The following UGT1A7 variants were observed in gnomAD, a reference collection of about 807,000 sequenced individuals.
UGT1A7 encodes UDP glucuronosyltransferase family 1 member A7, also known as UDP-glucuronosyltransferase 1A7.
In UGT1A7, 33 loss-of-function variants were observed where a neutral mutation model predicts 45.6. The observed-to-expected ratio is 0.72, with a 90% CI of 0.55 to 0.97. The LOEUF is 0.97. UGT1A7 is among the 50% of genes least tolerant of loss of function. The probability of loss-of-function intolerance (pLI) is 0.00; values close to 1 mark genes in which losing one functional copy is unlikely to be tolerated. For missense variants in UGT1A7, 684 were observed against 666.2 expected (o/e 1.03, Z -0.29); for synonymous variants, 274 against 250.6 (o/e 1.09, Z -0.88).
intron 1 of UGT1A7, among the ~76,000 whole-genome samples, chr2:233,699,342 G>A (rs1260601774): frequency 6.6e-6 from 1 of 152,020 alleles, no homozygotes; most frequent in Non-Finnish European, 1.5e-5. Context: ...TCCACCCTAG[G>A]GCTAACCTCT....
chr2:233,713,467 C>G, intron 1 of UGT1A7: 1 of 1,614,058 alleles, frequency 6.2e-7, no homozygotes, highest in Non-Finnish European at 8.5e-7. Flanking sequence ...CTCTGCGCGG[C>G]GGTGCTGGCT....
At chr2:233,701,977 C>T (rs2125588404) in intron 1 of UGT1A7, among the ~76,000 whole-genome samples, 1 of 151,846 alleles carries the variant, frequency 6.6e-6, no homozygotes, top group East Asian at 1.9e-4. Context: ...TAGTAAAAGG[C>T]AAGAAATAAC....
At chr2:233,738,602 T>A (rs1388412839) in intron 1 of UGT1A7, among the ~76,000 whole-genome samples, 2 of 152,210 alleles carry the variant, frequency 1.3e-5, no homozygotes, top group East Asian at 3.8e-4. Context: ...TGCTAAGCTT[T>A]AGCAAAGAAA....
Position 233,736,712 on chromosome 2 carries a change from C to T in UGT1A7, c.856-30322C>T, listed in dbSNP as rs373789864. On this transcript the variant is annotated intron_variant, in intron 1 of 4. Coordinates refer to ENST00000373426, the MANE Select transcript of UGT1A7 (RefSeq NM_019077.3). ...ACAGATGGGGTTTTGGTGTAGATGT[C>T]CTTTTTGTTGATGTTTATGCTGTTC... Among the ~76,000 whole-genome samples, 3 of 152,156 alleles carry T rather than the reference C, an allele frequency of 2.0e-5. No individual in the cohort carries two copies. In the East Asian group the frequency reaches 5.8e-4, roughly 29 times the overall value.
intron 1 of UGT1A7, among the ~76,000 whole-genome samples, chr2:233,731,894 C>G (rs1470586397): frequency 6.6e-6 from 1 of 152,238 alleles, no homozygotes; most frequent in Non-Finnish European, 1.5e-5. Context: ...AATTTACACT[C>G]CCACCAATGG....
chr2:233,749,920 A>G (rs1428594546), intron 1 of UGT1A7, among the ~76,000 whole-genome samples: 1 of 151,914 alleles, frequency 6.6e-6, no homozygotes, highest in Non-Finnish European at 1.5e-5. Flanking sequence ...CTGTGAGTCA[A>G]TTAAAGCTCT....
At chr2:233,767,265 T>G in intron 2 of UGT1A7, 100 bp downstream of exon 2, 2 of 1,588,600 alleles carry the variant, frequency 1.3e-6, no homozygotes. Flanking sequence ...GAACCTTAGA[T>G]TTGGCTTTTC....
rs1300409314 is a variant in UGT1A7, at chr2:233,693,558, G to A, written c.855+10766G>A. On this transcript the variant is annotated intron_variant, in intron 1 of 4. Transcript: ENST00000373426. The stretch of plus-strand genomic sequence containing the variant: ...TCCCTGGAGCATACATTCAGCAGAA[G>A]CCCAGACCCTGTGTCCTACATTCCC... 1.9e-6 allele frequency: 3 copies of A among 1,614,094 alleles called. No individual in the cohort carries two copies. Among genetic ancestry groups the A allele is most frequent in the African/African-American group, 2.7e-5 (2 of 74,926 alleles).
intron 1 of UGT1A7, among the ~76,000 whole-genome samples, chr2:233,683,303 T>C (rs779874112): frequency 2.6e-5 from 4 of 152,174 alleles, no homozygotes; most frequent in Non-Finnish European, 1.5e-5. Context: ...TACAGGTCAA[T>C]GCATACAGAT....
In UGT1A7 at chr2:233,766,936, A is replaced by T. The variant is rs911091346; in HGVS notation, c.856-98A>T. The T allele has an allele frequency of 4.4e-6, 7 of 1,586,086 alleles. No homozygotes were observed. The South Asian group carries it at 7.0e-5, about 16-fold the overall frequency. ...ATCTCAAACACGCATGCCTTTAATC[A>T]TAGTCTTAAGAGGAAGATATCTAAT... is the stretch of plus-strand genomic sequence containing the variant. On this transcript the variant is annotated intron_variant, in intron 1 of 4. Coordinates refer to ENST00000373426, the MANE Select transcript of UGT1A7 (RefSeq NM_019077.3).
rs28898606 is a variant in UGT1A7, at chr2:233,716,997, G to A, written c.855+34205G>A. Among the ~76,000 whole-genome samples, 1,356 of 152,258 alleles carry A rather than the reference G, an allele frequency of 8.9e-3. 31 individuals carry two copies. The highest frequency in any genetic ancestry group is 0.031 in the African/African-American group (1,268 of 41,526). On this transcript the variant is annotated intron_variant, in intron 1 of 4. Coordinates refer to ENST00000373426, the MANE Select transcript of UGT1A7 (RefSeq NM_019077.3). Reference sequence around the variant, plus strand: ...TCCCCACAGTCCTGCTGTCCTCAGGGCCCCTATGTCTCTGAAGGCACCACC... The same window carrying A: ...TCCCCACAGTCCTGCTGTCCTCAGGACCCCTATGTCTCTGAAGGCACCACC...
chr2:233,728,050 G>T (rs2077677324), intron 1 of UGT1A7, among the ~76,000 whole-genome samples: 1 of 152,214 alleles, frequency 6.6e-6, no homozygotes, highest in Non-Finnish European at 1.5e-5. Context: ...GCCTCATTGG[G>T]CTTGAGGCCC....
rs566107268 is a variant in UGT1A7, at chr2:233,719,129, AG to A, written c.855+36338del. 2.1e-4 allele frequency: 332 copies of A among 1,614,276 alleles called. No individual in the cohort carries two copies. The Middle Eastern group carries it at 2.1e-3, about 10-fold the overall frequency. On this transcript the variant is annotated intron_variant, in intron 1 of 4. Coordinates refer to ENST00000373426, the MANE Select transcript of UGT1A7 (RefSeq NM_019077.3). ...GCTACACTCAAGGGTTCTTTGAAAC[AG>A]AACATCTTCTGAAGAGATATTCTAG... is the stretch of plus-strand genomic sequence containing the variant.
At chr2:233,745,373 C>A (rs1317791294) in intron 1 of UGT1A7, among the ~76,000 whole-genome samples, 1 of 151,774 alleles carries the variant, frequency 6.6e-6, no homozygotes, top group East Asian at 1.9e-4. Flanking sequence ...GATCTGAGTT[C>A]TCTTCACCTC....
At chr2:233,685,917 AT>A (rs1237121683) in intron 1 of UGT1A7, among the ~76,000 whole-genome samples, 2 of 152,340 alleles carry the variant, frequency 1.3e-5, no homozygotes, top group African/African-American at 4.8e-5. Flanking sequence ...CCATCATTAA[AT>A]TTATCCTGAT....
chr2:233,754,900 C>G, intron 1 of UGT1A7: 3 of 1,352,224 alleles, frequency 2.2e-6, no homozygotes, highest in Non-Finnish European at 3.0e-6. Flanking sequence ...CTCTGACCCC[C>G]CAAAATATTC....
chr2:233,739,790 G>A (rs1360143620), intron 1 of UGT1A7, among the ~76,000 whole-genome samples: 4 of 152,122 alleles, frequency 2.6e-5, no homozygotes, highest in Admixed American at 2.6e-4. Context: ...GACTTTGGAG[G>A]ACAGTTGGGA....
Position 233,745,246 on chromosome 2 carries a change from G to A in UGT1A7, c.856-21788G>A, listed in dbSNP as rs148872010. Among the ~76,000 whole-genome samples, 467 of 151,884 alleles carry A rather than the reference G, an allele frequency of 3.1e-3. 15 individuals are homozygous for A. The highest frequency in any genetic ancestry group is 0.011 in the African/African-American group (453 of 41,220). ...GAAATACAGCACTATTTACTGTATCGAAACCATTAAGACTTGCAGGCCGTG... is the reference window on the plus strand; with the variant it reads ...GAAATACAGCACTATTTACTGTATCAAAACCATTAAGACTTGCAGGCCGTG... On this transcript the variant is annotated intron_variant, in intron 1 of 4. Coordinates refer to ENST00000373426, the MANE Select transcript of UGT1A7 (RefSeq NM_019077.3).
chr2:233,747,876 T>C, intron 1 of UGT1A7: 1 of 1,613,612 alleles, frequency 6.2e-7, no homozygotes, highest in South Asian at 1.1e-5. Context: ...GGCCCTGTCC[T>C]ACCTTTGCCA....
Sources: gnomAD v4.1 joint callset for allele counts (sites outside exome capture counted in the v4.1 genomes callset) on GRCh38, gnomAD v4.1.1 for gene constraint, MANE v1.5 for transcripts, NCBI Gene and HGNC (gene_info 2026-07-23, HGNC 2026-07-21) for gene names.